RNF19A: variants seen among roughly 807,000 people sequenced by gnomAD.
RNF19A encodes the protein E3 ubiquitin-protein ligase RNF19A.
RNF19A carries 32 observed loss-of-function variants against 75.7 expected under a neutral mutation model. That is an observed-to-expected ratio of 0.42 (90% CI 0.32 to 0.57). The LOEUF (loss-of-function observed/expected upper bound fraction) is 0.57. RNF19A is among the 20% of genes least tolerant of loss of function. The probability of loss-of-function intolerance (pLI) is 0.10; values close to 1 mark genes in which losing one functional copy is unlikely to be tolerated. For synonymous variants in RNF19A, 335 were observed against 345.2 expected, an observed-to-expected ratio of 0.97 and a Z score of 0.33; for missense variants, 782 against 1,036.3, an observed-to-expected ratio of 0.75 and a Z score of 3.37.
chr8:100,316,103 G>T (rs759146372), intron 1 of RNF19A, among the ~76,000 whole-genome samples: 3 of 152,066 alleles, frequency 2.0e-5, no homozygotes, highest in African/African-American at 7.2e-5. Flanking sequence ...TGGTGGGTTC[G>T]TGGTCTCGCT....
chr8:100,326,234 G>A (rs748548508), intron 1 of RNF19A, among the ~76,000 whole-genome samples: 2 of 151,800 alleles, frequency 1.3e-5, no homozygotes, highest in African/African-American at 4.8e-5. Context: ...TGCTTTTTCT[G>A]TTCTTTCTTC....
At chr8:100,263,182 T>G (rs962288198) in intron 7 of RNF19A, among the ~76,000 whole-genome samples, 2 of 151,910 alleles carry the variant, frequency 1.3e-5, no homozygotes, top group Non-Finnish European at 2.9e-5. Flanking sequence ...AGAACTGAGC[T>G]CTGGGGAACA....
chr8:100,266,874 T>C (rs1297235727), intron 5 of RNF19A, among the ~76,000 whole-genome samples: 2 of 152,222 alleles, frequency 1.3e-5, no homozygotes, highest in Non-Finnish European at 2.9e-5. Context: ...ATGTGACTTA[T>C]AAATATGTTT....
At chr8:100,316,763 G>A (rs1169693477) in intron 1 of RNF19A, among the ~76,000 whole-genome samples, 1 of 152,260 alleles carries the variant, frequency 6.6e-6, no homozygotes, top group Admixed American at 6.5e-5. Flanking sequence ...GTCCCGCACC[G>A]TGCGCTCTCG....
intron 1 of RNF19A, among the ~76,000 whole-genome samples, chr8:100,297,911 T>G (rs1821646580): frequency 1.3e-5 from 2 of 152,218 alleles, no homozygotes; most frequent in African/African-American, 2.4e-5. Context: ...TATATTTTGT[T>G]GAGTGAGTAA....
Position 100,275,034 on chromosome 8 carries a change from G to A in RNF19A, c.802C>T (p.Arg268Ter), listed in dbSNP as rs893769970. Residue 268 changes from arginine (R) to a stop codon, truncating the protein, a stop_gained, in exon 3 of 10, where the codon CGA becomes TGA. Coordinates refer to ENST00000341084, the MANE Select transcript of RNF19A (RefSeq NM_183419.4). LOFTEE classifies it high-confidence loss of function. This position sits in a 1 kb window ranked among gnomAD's most constrained non-coding sequence, Gnocchi z 4.3. ...CGTAAGCTCTGGGCTCTCTCTTGTC[G>A]AGCAGCATCACAGGTCTGGTTGGGG... ...WHPNQTCDAA[R>*]QERAQSLRLR... is the part of the protein sequence containing the mutation. 6.2e-7 allele frequency: 1 copy of A among 1,614,092 alleles called. No homozygotes were observed. The highest frequency in any genetic ancestry group is 8.5e-7 in the Non-Finnish European group (1 of 1,179,988).
At chr8:100,298,981 A>G (rs571732401) in intron 1 of RNF19A, among the ~76,000 whole-genome samples, 1 of 152,184 alleles carries the variant, frequency 6.6e-6, no homozygotes, top group African/African-American at 2.4e-5. Context: ...TAAAAAAGAT[A>G]CCTAGCTGTC....
At position 100,264,204 on chromosome 8, in the gene RNF19A, A is replaced by G; in HGVS notation, c.1307-9T>C. On this transcript the variant is annotated splice_polypyrimidine_tract_variant and intron_variant, in intron 6 of 9. Transcript: ENST00000341084. This position sits in a 1 kb window ranked among gnomAD's most constrained non-coding sequence, Gnocchi z 4.7. The stretch of plus-strand genomic sequence containing the variant: ...AATAGGAACACCGATACCTAAAGAG[A>G]AATTAAATCAGTCATTACAAACAAC... 6.3e-7 allele frequency: 1 copy of G among 1,595,852 alleles called. No individual in the cohort carries two copies. The highest frequency in any genetic ancestry group is 8.5e-7 in the Non-Finnish European group (1 of 1,170,112).
At chr8:100,290,670 G>C (rs1485167366) in intron 1 of RNF19A, among the ~76,000 whole-genome samples, 1 of 152,120 alleles carries the variant, frequency 6.6e-6, no homozygotes, top group Non-Finnish European at 1.5e-5. Flanking sequence ...ATACAGTTAT[G>C]CATCACTTAA....
Position 100,260,053 on chromosome 8 carries a change from T to C in RNF19A, c.1683-56A>G, listed in dbSNP as rs2132480287. ...ATATTTAATATCAGCACTACTGTAATATGTATCTTTAAATAATTCAGTTAA... is the reference window on the plus strand; with the variant it reads ...ATATTTAATATCAGCACTACTGTAACATGTATCTTTAAATAATTCAGTTAA... On this transcript the variant is annotated intron_variant, in intron 8 of 9. Coordinates refer to ENST00000341084, the MANE Select transcript of RNF19A (RefSeq NM_183419.4). This position sits in a 1 kb window ranked among gnomAD's most constrained non-coding sequence, Gnocchi z 4.1. 6.9e-7 allele frequency: 1 copy of C among 1,439,164 alleles called. No individual in the cohort carries two copies. The highest frequency in any genetic ancestry group is 9.7e-7 in the Non-Finnish European group (1 of 1,032,296). 89.1% of individuals were successfully genotyped at this position (1,439,164 alleles called of 1,614,324 possible). A position where few individuals can be genotyped will look rare whatever the true frequency, so the allele number is the denominator to read the frequency against.
chr8:100,287,892 C>G lies in RNF19A; in HGVS notation c.283G>C (p.Glu95Gln). Residue 95 changes from glutamate (E) to glutamine (Q), a missense_variant, in exon 2 of 10, where the codon GAA (glutamate) becomes CAA (glutamine). Transcript: ENST00000341084. This position sits in a 1 kb window ranked among gnomAD's most constrained non-coding sequence, Gnocchi z 4.1. ...GTACACATTTCAGAATGTATACTTT[C>G]AATACTTGCAATTCCATCCACCCCG... ...NGGVDGIASI[E>Q]SIHSEMCTDK... The G allele has an allele frequency of 1.2e-6, 2 of 1,614,178 alleles. No homozygotes were observed. Among genetic ancestry groups the G allele is most frequent in the Non-Finnish European group, 8.5e-7 (1 of 1,180,026 alleles).
chr8:100,274,971 G>C lies in RNF19A; in HGVS notation c.865C>G (p.Gln289Glu). Residue 289 changes from glutamine to glutamate, a missense_variant, in exon 3 of 10, where the codon CAA becomes GAA. By Grantham distance (29) the Gln-to-Glu change is conservative (BLOSUM62 2). Transcript: ENST00000341084. ...TAAATACCTGCTGCTCCAGACTCTT[G>C]ACTATAACTAATGGATGAAGAACGT... The part of the protein sequence containing the change: ...TIRSSSISYS[Q>E]ESGAAADDIK... The C allele has an allele frequency of 6.2e-7, 1 of 1,613,586 alleles. No homozygotes were observed. Among genetic ancestry groups the C allele is most frequent in the Non-Finnish European group, 8.5e-7 (1 of 1,179,640 alleles).
In RNF19A at chr8:100,259,887, C is replaced by T. The variant is rs1819632572; in HGVS notation, c.1793G>A (p.Gly598Glu). ...SDNASTKAMA[G>E]SILNSYIPLD... is the part of the protein sequence containing the mutation. ...TGGGATGTAGGAATTCAGAATGGAT[C>T]CTGCCATTGCTTTGGTGCTGGCATT... is the stretch of plus-strand genomic sequence containing the variant. Residue 598 changes from glycine (G) to glutamate (E), a missense_variant, in exon 9 of 10, where the codon GGA becomes GAA. By Grantham distance (98) the Gly-to-Glu change is moderately conservative (BLOSUM62 -2). Around this residue, in one of 7 missense-constraint regions of RNF19A, gnomAD observed 442 missense variants for 541.6 expected, o/e 0.82. Transcript: ENST00000341084. The surrounding 1 kb of genome is among the most constrained non-coding windows in gnomAD (Gnocchi z 4.5). 1 of 1,613,820 alleles carries T rather than the reference C, an allele frequency of 6.2e-7. No individual in the cohort carries two copies. Among genetic ancestry groups the T allele is most frequent in the Non-Finnish European group, 8.5e-7 (1 of 1,179,840 alleles).
chr8:100,294,939 T>C (rs992893484), intron 1 of RNF19A, among the ~76,000 whole-genome samples: 1 of 152,228 alleles, frequency 6.6e-6, no homozygotes, highest in Non-Finnish European at 1.5e-5. Flanking sequence ...TTGCCTTACT[T>C]GCTCCAAGTA....
chr8:100,318,334 T>C (rs998035082), intron 1 of RNF19A, among the ~76,000 whole-genome samples: 3 of 152,240 alleles, frequency 2.0e-5, no homozygotes, highest in Non-Finnish European at 2.9e-5. Flanking sequence ...GGATGTATTT[T>C]ATATACTTAA....
chr8:100,309,698 C>G (rs868158381), intron 1 of RNF19A, among the ~76,000 whole-genome samples, 169 bp downstream of exon 1: 13 of 152,328 alleles, frequency 8.5e-5, no homozygotes, highest in Middle Eastern at 3.4e-3. Flanking sequence ...GCCCCGAGCC[C>G]ACGCTGGACA....
In RNF19A at chr8:100,288,073, T is replaced by C; in HGVS notation, c.102A>G (p.Leu34=). 1 of 1,614,200 alleles carries C rather than the reference T, an allele frequency of 6.2e-7. No homozygotes were observed. Among genetic ancestry groups the C allele is most frequent in the Non-Finnish European group, 8.5e-7 (1 of 1,180,028 alleles). ...CTCGATCTGAACCCATTTGCCGATGTAAACTCATGTCTAAAATGCTTGTTA... is the reference window on the plus strand; with the variant it reads ...CTCGATCTGAACCCATTTGCCGATGCAAACTCATGTCTAAAATGCTTGTTA... ...SILTSILDMS[L]HRQMGSDRDL... is the part of the protein sequence containing the mutation. Residue 34 remains leucine, a synonymous_variant, in exon 2 of 10, where the codon TTA becomes TTG. Transcript: ENST00000341084.
chr8:100,258,758 G>A lies in RNF19A; in HGVS notation c.2315C>T (p.Pro772Leu), dbSNP rs772034717. The A allele has an allele frequency of 9.9e-6, 16 of 1,614,048 alleles. No homozygotes were observed. Among genetic ancestry groups the A allele is most frequent in the Non-Finnish European group, 1.3e-5 (15 of 1,180,034 alleles). ...EVENDRLENS[P>L]HQCSISVVTQ... Reference sequence around the variant, plus strand: ...AACCACAGAAATGCTACACTGATGTGGGGAATTTTCCAGACGGTCATTTTC... The same window carrying A: ...AACCACAGAAATGCTACACTGATGTAGGGAATTTTCCAGACGGTCATTTTC... The change falls in exon 10 of 10, where the codon CCA becomes CTA. Residue 772 changes from proline (P) to leucine (L), a missense_variant. Physicochemically the swap from Pro to Leu is moderately conservative, Grantham distance 98 (BLOSUM62 -3). Transcript: ENST00000341084. The surrounding 1 kb of genome is among the most constrained non-coding windows in gnomAD (Gnocchi z 4.3).
intron 1 of RNF19A, among the ~76,000 whole-genome samples, chr8:100,305,273 A>G (rs1822018193): frequency 6.6e-6 from 1 of 152,212 alleles, no homozygotes; most frequent in African/African-American, 2.4e-5. Flanking sequence ...TAAAACTGAG[A>G]GAAGACAGGT....
Sources: allele counts gnomAD v4.1 joint callset (sites outside exome capture counted in the v4.1 genomes callset), GRCh38; gene constraint gnomAD v4.1.1; regional missense constraint gnomAD v4.1.1; non-coding constraint Gnocchi (gnomAD v3.1); transcripts MANE v1.5; gene names NCBI Gene and HGNC (gene_info 2026-07-23, HGNC 2026-07-21).